Variants in ATXN10 observed in about 807,000 individuals in gnomAD.
ATXN10 encodes ataxin 10.
Under a neutral mutation model 52.9 loss-of-function variants are expected in ATXN10, and 28 were observed. The ratio of observed to expected loss-of-function variants is 0.53; its 90% confidence interval spans 0.39 to 0.73. The LOEUF is 0.73. Among genes scored for constraint, ATXN10 ranks in the 30% least tolerant of loss-of-function variants. ATXN10 has a pLI of 0.00. For synonymous variants in ATXN10, 226 were observed against 221.5 expected (o/e 1.02, Z -0.18); for missense variants, 565 against 577.0 (o/e 0.98, Z 0.21).
intron 3 of ATXN10, among the ~76,000 whole-genome samples, chr22:45,699,695 T>C (rs1399166130): frequency 6.6e-6 from 1 of 151,846 alleles, no homozygotes; most frequent in Non-Finnish European, 1.5e-5. Context: ...TTTCATCACG[T>C]TGGCCAGGCT....
chr22:45,747,917 TA>T (rs990013532), intron 9 of ATXN10, among the ~76,000 whole-genome samples: 1 of 150,616 alleles, frequency 6.6e-6, no homozygotes, highest in Non-Finnish European at 1.5e-5. Context: ...CTCCCATCTC[TA>T]AAAAAATAAA....
intron 10 of ATXN10, among the ~76,000 whole-genome samples, chr22:45,817,262 A>G (rs909920154): frequency 1.4e-5 from 2 of 146,338 alleles, no homozygotes; most frequent in African/African-American, 5.0e-5. Flanking sequence ...AAAACCCATT[A>G]GTGCTGTTTT....
intron 3 of ATXN10, among the ~76,000 whole-genome samples, chr22:45,698,392 T>C (rs962064515): frequency 7.9e-5 from 12 of 152,310 alleles, no homozygotes; most frequent in African/African-American, 2.6e-4. Context: ...CACGTACTTA[T>C]TGGCCGTTTG....
intron 9 of ATXN10, among the ~76,000 whole-genome samples, chr22:45,765,053 C>T (rs2146834109): frequency 6.6e-6 from 1 of 151,924 alleles, no homozygotes; most frequent in East Asian, 1.9e-4. Context: ...GGTAAAAATC[C>T]CTTTCAGGAT....
chr22:45,717,593 G>A (rs1056280969), intron 5 of ATXN10, among the ~76,000 whole-genome samples: 1 of 152,046 alleles, frequency 6.6e-6, no homozygotes, highest in African/African-American at 2.4e-5. Flanking sequence ...TTTGGATTTC[G>A]CTTTTATGTG....
At chr22:45,675,646 CCA>C (rs1189470075) in intron 1 of ATXN10, 1 of 152,244 alleles carries the variant, frequency 6.6e-6, no homozygotes, top group African/African-American at 2.4e-5. Flanking sequence ...CCTCTGAGCT[CCA>C]GTCACATCCT....
chr22:45,835,557 T>C lies in ATXN10; in HGVS notation c.1238-7434T>C, dbSNP rs1929139894. Reference sequence around the variant, plus strand: ...ATCTTTAATAAAGTACTGATTTGGGTTATGCACAGATATAAAATCTCTAGT... The same window carrying C: ...ATCTTTAATAAAGTACTGATTTGGGCTATGCACAGATATAAAATCTCTAGT... On this transcript the variant is annotated intron_variant, in intron 10 of 11. Coordinates refer to ENST00000252934, the MANE Select transcript of ATXN10 (RefSeq NM_013236.4). The surrounding 1 kb of genome is among the most constrained non-coding windows in gnomAD (Gnocchi z 5.0). 6.6e-6 allele frequency among the ~76,000 whole-genome samples: 1 copy of C among 152,224 alleles called. No individual in the cohort carries two copies. The highest frequency in any genetic ancestry group is 2.4e-5 in the African/African-American group (1 of 41,446).
intron 3 of ATXN10, among the ~76,000 whole-genome samples, chr22:45,695,563 C>T (rs548175700): frequency 4.0e-5 from 6 of 148,390 alleles, no homozygotes; most frequent in Admixed American, 6.8e-5. Flanking sequence ...GATATTGGCT[C>T]GCTGCAACCA....
chr22:45,678,785 G>T lies in ATXN10; in HGVS notation c.116+6606G>T, dbSNP rs1922800401. 6.6e-6 allele frequency: 1 copy of T among 152,148 alleles called. No individual in the cohort carries two copies. The allele number at this position is 152,148 out of a possible 1,614,324, so 9.4% of individuals were successfully genotyped here. A position where few individuals can be genotyped will look rare whatever the true frequency, so the allele number is the denominator to read the frequency against. ...TCATTCATTGACTCACACCACACAT[G>T]ATACATGTAAGATCTGTGCTTAGTG... On this transcript the variant is annotated intron_variant, in intron 1 of 11. Transcript: ENST00000252934. The surrounding 1 kb of genome is among the most constrained non-coding windows in gnomAD (Gnocchi z 4.1).
chr22:45,788,968 A>G (rs954793129), intron 9 of ATXN10, among the ~76,000 whole-genome samples: 58 of 152,246 alleles, frequency 3.8e-4, no homozygotes, highest in African/African-American at 1.2e-3. Context: ...TAAACTATGT[A>G]TCTGTGCCAG....
At chr22:45,704,061 CT>C (rs1923943516) in intron 5 of ATXN10, 1 of 151,578 alleles carries the variant, frequency 6.6e-6, no homozygotes. Context: ...TTCCCCTAGA[CT>C]CTGAAGATAC....
chr22:45,692,490 T>A (rs1269051562), intron 2 of ATXN10, among the ~76,000 whole-genome samples: 1 of 152,228 alleles, frequency 6.6e-6, no homozygotes, highest in African/African-American at 2.4e-5. Flanking sequence ...AAAAGAATTT[T>A]CTAGTTAGAA....
chr22:45,806,890 A>G, intron 9 of ATXN10, 69 bp from the exon 10 acceptor site: 1 of 1,197,108 alleles, frequency 8.4e-7, no homozygotes, highest in Non-Finnish European at 1.2e-6. Context: ...CAAAAGGAAC[A>G]AGTCATCTGT....
intron 10 of ATXN10, among the ~76,000 whole-genome samples, chr22:45,807,427 T>A (rs1288693721): frequency 6.6e-6 from 1 of 152,182 alleles, no homozygotes; most frequent in South Asian, 2.1e-4. Flanking sequence ...GGAAGTACTG[T>A]TTTAACAAGG....
rs1453590546 is a variant in ATXN10, at chr22:45,715,780, G to T, written c.648-2633G>T. 6.6e-6 allele frequency among the ~76,000 whole-genome samples: 1 copy of T among 152,110 alleles called. No homozygotes were observed. The highest frequency in any genetic ancestry group is 6.6e-5 in the Admixed American group (1 of 15,260). ...TGTTCACTAAGGTAGACCATAGGCT[G>T]GCCTGTACAAAAGTTTCAGTAAATG... is the stretch of plus-strand genomic sequence containing the variant. On this transcript the variant is annotated intron_variant, in intron 5 of 11. Coordinates refer to ENST00000252934, the MANE Select transcript of ATXN10 (RefSeq NM_013236.4). This position sits in a 1 kb window ranked among gnomAD's most constrained non-coding sequence, Gnocchi z 4.4.
chr22:45,675,553 A>C (rs1369160020), intron 1 of ATXN10: 1 of 152,272 alleles, frequency 6.6e-6, no homozygotes, highest in Non-Finnish European at 1.5e-5. Flanking sequence ...AGGACACTCA[A>C]GCATCCATAT....
At chr22:45,703,935 TC>T (rs552572789) in intron 5 of ATXN10, 1 of 152,178 alleles carries the variant, frequency 6.6e-6, no homozygotes, top group Non-Finnish European at 1.5e-5. Context: ...CATCTCGGGT[TC>T]CAGGAGGATC....
intron 5 of ATXN10, among the ~76,000 whole-genome samples, chr22:45,704,754 G>T (rs1423864619): frequency 2.0e-5 from 3 of 152,034 alleles, no homozygotes; most frequent in African/African-American, 7.2e-5. Context: ...TTCCAGTTGG[G>T]TTGCCTTTTC....
rs747787715 is a variant in ATXN10 at position 45,795,415 on chromosome 22, A to ATTCTATTCTATTCTT, written c.1174-11535_1174-11534insATTCTTTTCTATTCT. ...ATTCTATTCTATTCTATTCTATTCTATTCTATTCTTTTTGAGATGAAGTCT... is the reference window on the plus strand; with the variant it reads ...ATTCTATTCTATTCTATTCTATTCTATTCTATTCTATTCTTTTCTATTCTTTTTGAGATGAAGTCT... On this transcript the variant is annotated intron_variant, in intron 9 of 11. Coordinates refer to ENST00000252934, the MANE Select transcript of ATXN10 (RefSeq NM_013236.4). This position sits in a 1 kb window ranked among gnomAD's most constrained non-coding sequence, Gnocchi z 4.6. 7.0e-3 allele frequency among the ~76,000 whole-genome samples: 941 copies of ATTCTATTCTATTCTT among 134,192 alleles called. 18 individuals are homozygous for ATTCTATTCTATTCTT. The highest frequency in any genetic ancestry group is 9.8e-3 in the Non-Finnish European group (601 of 61,374). 88.0% of individuals were successfully genotyped at this position (134,192 alleles called of 152,430 possible).
Sources: allele counts gnomAD v4.1 joint callset (sites outside exome capture counted in the v4.1 genomes callset), GRCh38; gene constraint gnomAD v4.1.1; non-coding constraint Gnocchi (gnomAD v3.1); transcripts MANE v1.5; gene names NCBI Gene and HGNC (gene_info 2026-07-23, HGNC 2026-07-21).